Variants in BCAR3 observed in about 807,000 individuals in gnomAD.
BCAR3 encodes the protein BCAR3 adaptor protein, NSP family member.
Under a neutral mutation model 80.1 loss-of-function variants are expected in BCAR3, and 37 were observed. The observed-to-expected ratio is 0.46, with a 90% CI of 0.36 to 0.61. BCAR3 has a LOEUF of 0.61. Among genes scored for constraint, BCAR3 ranks in the 20% least tolerant of loss-of-function variants. The pLI is 0.00. For missense variants in BCAR3, 978 were observed against 1,068.2 expected (o/e 0.92, Z 1.18); for synonymous variants, 389 against 418.9 (o/e 0.93, Z 0.87).
intron 2 of BCAR3, among the ~76,000 whole-genome samples, chr1:93,772,118 C>G (rs1652375769): frequency 6.6e-6 from 1 of 152,274 alleles, no homozygotes; most frequent in East Asian, 1.9e-4. Context: ...CAGTGGAGTA[C>G]AAGAGATAGT....
rs1228352418 is a variant in BCAR3, at chr1:93,561,907, C to T, written c.*334G>A. The T allele has an allele frequency of 2.1e-5, 4 of 186,638 alleles. No homozygotes were observed. Among genetic ancestry groups the T allele is most frequent in the Admixed American group, 6.0e-5 (1 of 16,770 alleles). The allele number at this position is 186,638 out of a possible 1,614,324, so 11.6% of individuals were successfully genotyped here. A position where few individuals can be genotyped will look rare whatever the true frequency, so the allele number is the denominator to read the frequency against. ...TCATGCTTTTAAACTCTTCTATTTACACTTATCTGACATGGAATTAAAACT... is the reference window on the plus strand; with the variant it reads ...TCATGCTTTTAAACTCTTCTATTTATACTTATCTGACATGGAATTAAAACT... On this transcript the variant is annotated 3_prime_UTR_variant, in exon 12 of 12. Coordinates refer to ENST00000260502, the MANE Select transcript of BCAR3 (RefSeq NM_003567.4).
chr1:93,790,069 T>C (rs1016787320), intron 2 of BCAR3, among the ~76,000 whole-genome samples: 1 of 152,166 alleles, frequency 6.6e-6, no homozygotes, highest in African/African-American at 2.4e-5. Flanking sequence ...TTACATTCTA[T>C]GGCTATTAGT....
intron 2 of BCAR3, among the ~76,000 whole-genome samples, chr1:93,643,026 G>T (rs370829733): frequency 6.6e-6 from 1 of 152,024 alleles, no homozygotes; most frequent in Non-Finnish European, 1.5e-5. Flanking sequence ...TGGGGAGTTC[G>T]AGACCAGCCC....
intron 5 of BCAR3, among the ~76,000 whole-genome samples, chr1:93,587,010 G>C (rs1570936361): frequency 6.6e-6 from 1 of 152,226 alleles, no homozygotes; most frequent in African/African-American, 2.4e-5. Flanking sequence ...CCTGAACTCA[G>C]GTAATCCACC....
At chr1:93,690,718 CA>C (rs1479408082) in intron 3 of BCAR3, among the ~76,000 whole-genome samples, 1 of 152,214 alleles carries the variant, frequency 6.6e-6, no homozygotes, top group Non-Finnish European at 1.5e-5. Flanking sequence ...ATAATAGTTA[CA>C]TACCTCATGA....
intron 3 of BCAR3, among the ~76,000 whole-genome samples, chr1:93,611,702 T>A (rs1052782605): frequency 3.3e-5 from 5 of 152,214 alleles, no homozygotes; most frequent in Non-Finnish European, 7.3e-5. Flanking sequence ...CTAAATTCTG[T>A]AAGACCGCTG....
At chr1:93,827,959 T>C (rs1654427885) in intron 2 of BCAR3, among the ~76,000 whole-genome samples, 1 of 152,156 alleles carries the variant, frequency 6.6e-6, no homozygotes. Flanking sequence ...CCCTCATTCT[T>C]CCCAGTCATA....
At chr1:93,585,561 C>T (rs1043587371) in intron 5 of BCAR3, among the ~76,000 whole-genome samples, 1 of 152,210 alleles carries the variant, frequency 6.6e-6, no homozygotes, top group African/African-American at 2.4e-5. Context: ...AATACACTCC[C>T]ACTCTGTGCA....
At chr1:93,657,825 T>C (rs919435023) in intron 2 of BCAR3, among the ~76,000 whole-genome samples, 2 of 152,174 alleles carry the variant, frequency 1.3e-5, no homozygotes, top group African/African-American at 4.8e-5. Context: ...GCAAGAGAAT[T>C]GCTTCAACCT....
At chr1:93,737,767 A>G (rs1651027285) in intron 2 of BCAR3, among the ~76,000 whole-genome samples, 1 of 152,218 alleles carries the variant, frequency 6.6e-6, no homozygotes, top group Non-Finnish European at 1.5e-5. Flanking sequence ...AGGTATGAAC[A>G]ATTAATTATT....
chr1:93,655,481 G>C (rs1457733680), intron 2 of BCAR3, among the ~76,000 whole-genome samples: 4 of 152,258 alleles, frequency 2.6e-5, no homozygotes, highest in East Asian at 3.9e-4. Flanking sequence ...AGGGAAGAGA[G>C]AGGTAAGGAC....
chr1:93,567,326 G>A lies in BCAR3; in HGVS notation c.2252C>T (p.Ala751Val), dbSNP rs185411561. 1 of 1,614,122 alleles carries A rather than the reference G, an allele frequency of 6.2e-7. No individual in the cohort carries two copies. The highest frequency in any genetic ancestry group is 1.3e-5 in the African/African-American group (1 of 75,018). ...LNHLATARFM[A>V]EAADSYRMNA... ...CATCCGGTAGCTGTCTGCAGCCTCG[G>A]CCATGAATCGCGCTGTTGCCAAATG... Residue 751 changes from alanine to valine, a missense_variant, in exon 11 of 12, where the codon GCC (alanine) becomes GTC (valine). By Grantham distance (64) the Ala-to-Val change is moderately conservative (BLOSUM62 0). Transcript: ENST00000260502.
intron 3 of BCAR3, among the ~76,000 whole-genome samples, chr1:93,699,233 A>G (rs923330047): frequency 3.3e-5 from 5 of 152,232 alleles, no homozygotes; most frequent in Non-Finnish European, 5.9e-5. Context: ...GCTCCGACAC[A>G]TGGGGTTTTC....
rs558475619 is a variant in BCAR3, at chr1:93,830,630, CT to C, written c.-63+14936del. Among the ~76,000 whole-genome samples the C allele has an allele frequency of 1.9e-3, 292 of 152,310 alleles. 2 individuals carry two copies. The highest frequency in any genetic ancestry group is 6.1e-3 in the African/African-American group (252 of 41,568). The stretch of plus-strand genomic sequence containing the variant: ...CAAATCCTATAAAATGGCCCCACCC[CT>C]ATCTCCCTTCGCTGACTCTCTTTTC... On this transcript the variant is annotated intron_variant, in intron 2 of 13. Coordinates refer to the BCAR3 transcript ENST00000370244.
chr1:93,604,080 C>T (rs567814251), intron 3 of BCAR3, among the ~76,000 whole-genome samples: 5 of 152,316 alleles, frequency 3.3e-5, no homozygotes, highest in Admixed American at 2.0e-4. Flanking sequence ...GGTTTTGATG[C>T]CATTTTTCCA....
chr1:93,573,459 A>G (rs1476494273), intron 8 of BCAR3, among the ~76,000 whole-genome samples: 6 of 152,028 alleles, frequency 3.9e-5, no homozygotes, highest in African/African-American at 1.4e-4. Flanking sequence ...AGCAGTTGTT[A>G]CTAGAGTTGT....
chr1:93,738,075 C>T (rs891962929), intron 2 of BCAR3, among the ~76,000 whole-genome samples: 10 of 152,094 alleles, frequency 6.6e-5, no homozygotes, highest in Non-Finnish European at 1.2e-4. Flanking sequence ...TTGAAGCGAT[C>T]CTCCTGCCTT....
At chr1:93,597,519 T>G (rs1439612763) in intron 3 of BCAR3, among the ~76,000 whole-genome samples, 1 of 152,200 alleles carries the variant, frequency 6.6e-6, no homozygotes, top group Non-Finnish European at 1.5e-5. Flanking sequence ...CTCGGGCAGG[T>G]GACATTAACT....
chr1:93,584,371 G>C (rs1340738737), intron 5 of BCAR3, among the ~76,000 whole-genome samples: 1 of 152,186 alleles, frequency 6.6e-6, no homozygotes. Flanking sequence ...TGAGTCCTAG[G>C]ATGCCTCCTC....
Sources: gnomAD v4.1 joint callset for allele counts (sites outside exome capture counted in the v4.1 genomes callset) on GRCh38, gnomAD v4.1.1 for gene constraint, MANE v1.5 for transcripts, NCBI Gene and HGNC (gene_info 2026-07-23, HGNC 2026-07-21) for gene names.